COQ10B: variants seen among roughly 807,000 people sequenced by gnomAD.
The protein encoded by COQ10B is coenzyme Q10B, also known as coenzyme Q-binding protein COQ10 homolog B, mitochondrial.
COQ10B carries 12 observed loss-of-function variants against 27.6 expected under a neutral mutation model. That is an observed-to-expected ratio of 0.43 (90% CI 0.28 to 0.70). The LOEUF is 0.70. Among genes scored for constraint, COQ10B ranks in the 30% least tolerant of loss-of-function variants. The pLI, the probability that COQ10B is intolerant of heterozygous loss-of-function variation, is 0.17. For synonymous variants in COQ10B, 115 were observed against 103.0 expected (o/e 1.12, Z -0.71); for missense variants, 278 against 288.7 (o/e 0.96, Z 0.27).
rs778218802 is a variant in COQ10B, at chr2:197,459,973, C to T, written c.146C>T (p.Pro49Leu). Reference protein sequence around the residue: ...SCGILMSRTLPLHTSILPKEI... With the variant: ...SCGILMSRTLLLHTSILPKEI... ...GGTATACTGATGAGCAGAACTCTTCCACTACATACCTCAATTTTGCCTAAG... is the reference window on the plus strand; with the variant it reads ...GGTATACTGATGAGCAGAACTCTTCTACTACATACCTCAATTTTGCCTAAG... The change falls in exon 2 of 5, where the codon CCA (proline) becomes CTA (leucine). Residue 49 changes from proline (P) to leucine (L), a missense_variant. Physicochemically the swap from Pro to Leu is moderately conservative, Grantham distance 98. Coordinates refer to ENST00000263960, the MANE Select transcript of COQ10B (RefSeq NM_025147.5). 6.2e-7 allele frequency: 1 copy of T among 1,611,136 alleles called. No individual in the cohort carries two copies. The highest frequency in any genetic ancestry group is 2.2e-5 in the East Asian group (1 of 44,792).
chr2:197,464,711 A>G (rs973991637), intron 3 of COQ10B, among the ~76,000 whole-genome samples: 6 of 152,046 alleles, frequency 3.9e-5, no homozygotes, highest in Admixed American at 3.9e-4. Flanking sequence ...GTTATTATTT[A>G]TTTTAGAGTT....
chr2:197,460,475 G>A (rs1472916413), intron 2 of COQ10B, among the ~76,000 whole-genome samples: 1 of 152,164 alleles, frequency 6.6e-6, no homozygotes, highest in Non-Finnish European at 1.5e-5. Flanking sequence ...ACAGTCATGA[G>A]CCACTGCTCC....
At chr2:197,457,155 C>T (rs2106045168) in intron 1 of COQ10B, among the ~76,000 whole-genome samples, 1 of 152,306 alleles carries the variant, frequency 6.6e-6, no homozygotes, top group Middle Eastern at 3.4e-3. Flanking sequence ...GCTGATCTGA[C>T]AGGAGGCAGA....
chr2:197,469,989 G>A (rs2085862351), intron 3 of COQ10B, 81 bp from the exon 4 acceptor site: 1 of 791,016 alleles, frequency 1.3e-6, no homozygotes, highest in South Asian at 1.7e-5. Flanking sequence ...AAAGAAATCA[G>A]CCTCAGTCAT....
At chr2:197,464,163 A>T (rs1177500892) in intron 3 of COQ10B, among the ~76,000 whole-genome samples, 1 of 150,736 alleles carries the variant, frequency 6.6e-6, no homozygotes. Context: ...AACTGCTCTT[A>T]CATTATATTA....
chr2:197,459,143 A>G (rs556209157), intron 1 of COQ10B, among the ~76,000 whole-genome samples: 7 of 152,308 alleles, frequency 4.6e-5, no homozygotes, highest in African/African-American at 1.7e-4. Context: ...AGGAGAACGC[A>G]GCAACAGTTG....
At position 197,453,619 on chromosome 2, in the gene COQ10B, A is replaced by T; in HGVS notation, c.59A>T (p.Lys20Met). 6.2e-7 allele frequency: 1 copy of T among 1,613,902 alleles called. No homozygotes were observed. The highest frequency in any genetic ancestry group is 8.5e-7 in the Non-Finnish European group (1 of 1,179,968). The change falls in exon 1 of 5, where the codon AAG (lysine) becomes ATG (methionine). Residue 20 changes from lysine (K) to methionine (M), a missense_variant. Physicochemically the swap from Lys to Met is moderately conservative, Grantham distance 95. Coordinates refer to ENST00000263960, the MANE Select transcript of COQ10B (RefSeq NM_025147.5). Reference protein sequence around the residue: ...LRRVVSGCRPKSATAAGAQAP... With the variant: ...LRRVVSGCRPMSATAAGAQAP... Reference sequence around the variant, plus strand: ...AGGGTAGTCTCGGGATGCCGTCCGAAGTCGGCGACAGCGGCCGGGGCGCAG... The same window carrying T: ...AGGGTAGTCTCGGGATGCCGTCCGATGTCGGCGACAGCGGCCGGGGCGCAG...
At chr2:197,465,312 CAG>C (rs1325325049) in intron 3 of COQ10B, among the ~76,000 whole-genome samples, 1 of 148,406 alleles carries the variant, frequency 6.7e-6, no homozygotes, top group Non-Finnish European at 1.5e-5. Context: ...TCCTTTGAGA[CAG>C]AGTCTTGCTC....
chr2:197,465,017 C>T (rs2093943794), intron 3 of COQ10B, among the ~76,000 whole-genome samples: 1 of 151,526 alleles, frequency 6.6e-6, no homozygotes, highest in Non-Finnish European at 1.5e-5. Context: ...TCCCGAGTAG[C>T]GGGGGCTACA....
rs549379763 is a variant in COQ10B at position 197,475,158 on chromosome 2, A to G, written c.*1234A>G. 1 of 152,464 alleles carries G rather than the reference A, an allele frequency of 6.6e-6. No individual in the cohort carries two copies. The highest frequency in any genetic ancestry group is 2.1e-4 in the South Asian group (1 of 4,834). The allele number at this position is 152,464 out of a possible 1,614,324, so 9.4% of individuals were successfully genotyped here. A position where few individuals can be genotyped will look rare whatever the true frequency, so the allele number is the denominator to read the frequency against. ...TTAGTTTGGTTATTGAAATCTTCCT[A>G]TATTGTTTAAATGTGTATTTGCATA... On this transcript the variant is annotated 3_prime_UTR_variant, in exon 5 of 5. Transcript: ENST00000263960.
chr2:197,460,110 A>C lies in COQ10B; in HGVS notation c.254+29A>C, dbSNP rs759452766. On this transcript the variant is annotated intron_variant, in intron 2 of 4. Coordinates refer to ENST00000263960, the MANE Select transcript of COQ10B (RefSeq NM_025147.5). ...CGTATATGATAAGAATTCTACTAAA[A>C]GAGCATGTTCACAATTTTCCGTGGG... is the stretch of plus-strand genomic sequence containing the variant. 1.4e-5 allele frequency: 22 copies of C among 1,532,816 alleles called. No individual in the cohort carries two copies. In the East Asian group the frequency reaches 1.6e-4, roughly 11 times the overall value. 95.0% of individuals were successfully genotyped at this position (1,532,816 alleles called of 1,614,324 possible). A position where few individuals can be genotyped will look rare whatever the true frequency, so the allele number is the denominator to read the frequency against.
chr2:197,459,578 G>C (rs924511678), intron 1 of COQ10B, among the ~76,000 whole-genome samples: 6 of 152,150 alleles, frequency 3.9e-5, no homozygotes, highest in Non-Finnish European at 7.4e-5. Context: ...TGTGGATCCA[G>C]CTAGGAAAAC....
chr2:197,460,597 C>G (rs559584749), intron 2 of COQ10B, among the ~76,000 whole-genome samples: 11 of 152,270 alleles, frequency 7.2e-5, no homozygotes, highest in Admixed American at 7.2e-4. Context: ...TTATGACTTA[C>G]ATTTTTTGTA....
chr2:197,454,768 C>A (rs1056735503), intron 1 of COQ10B, among the ~76,000 whole-genome samples: 1 of 152,064 alleles, frequency 6.6e-6, no homozygotes, highest in African/African-American at 2.4e-5. Context: ...AAGATAAATA[C>A]TGTTTATGAT....
chr2:197,454,261 T>A, intron 1 of COQ10B: 1 of 902,808 alleles, frequency 1.1e-6, no homozygotes, highest in Non-Finnish European at 1.6e-6. Context: ...GTTCATTTTT[T>A]GGTAGGTGGG....
rs1428645086 is a variant in COQ10B, at chr2:197,460,075, T to G, written c.248T>G (p.Ile83Ser). ...AGGAAAGAATATTCAGAGAGAAGAA[T>G]TTTAGGGTTCGTATATGATAAGAAT... is the stretch of plus-strand genomic sequence containing the variant. The part of the protein sequence containing the change: ...NKRKEYSERR[I>S]LGYSMQEMYD... Residue 83 changes from isoleucine to serine, a missense_variant, in exon 2 of 5, where the codon ATT becomes AGT. This residue lies in a region of COQ10B where 183 missense variants were observed against 158.2 expected (regional missense o/e 1.16). Transcript: ENST00000263960. 9 of 1,604,934 alleles carry G rather than the reference T, an allele frequency of 5.6e-6. No homozygotes were observed. Among genetic ancestry groups the G allele is most frequent in the Non-Finnish European group, 7.7e-6 (9 of 1,174,194 alleles).
chr2:197,465,766 T>C (rs535808316), intron 3 of COQ10B, among the ~76,000 whole-genome samples: 86 of 151,954 alleles, frequency 5.7e-4, no homozygotes, highest in African/African-American at 2.0e-3. Flanking sequence ...CTGGGCAACA[T>C]AGCAAGTAAG....
At chr2:197,463,095 A>C (rs372842804) in intron 3 of COQ10B, among the ~76,000 whole-genome samples, 6 of 152,160 alleles carry the variant, frequency 3.9e-5, no homozygotes, top group African/African-American at 1.4e-4. Flanking sequence ...TTTGTTTACT[A>C]AATATATAGT....
rs1050947937 is a variant in COQ10B, at chr2:197,456,193, C to T, written c.104+2529C>T. ...AAAAAAAGTTGATCTTGGCCAGGCACGGTGGCTTATGCCTGTAATCCCAGC... is the reference window on the plus strand; with the variant it reads ...AAAAAAAGTTGATCTTGGCCAGGCATGGTGGCTTATGCCTGTAATCCCAGC... On this transcript the variant is annotated intron_variant, in intron 1 of 4. Transcript: ENST00000263960. 3.3e-5 allele frequency among the ~76,000 whole-genome samples: 5 copies of T among 151,982 alleles called. No individual in the cohort carries two copies. In the South Asian group the frequency reaches 8.3e-4, roughly 25 times the overall value.
Sources: allele counts gnomAD v4.1 joint callset (sites outside exome capture counted in the v4.1 genomes callset), GRCh38; gene constraint gnomAD v4.1.1; regional missense constraint gnomAD v4.1.1; transcripts MANE v1.5; gene names NCBI Gene and HGNC (gene_info 2026-07-23, HGNC 2026-07-21).